Variants in CTNNA2 observed in about 807,000 individuals in gnomAD.
CTNNA2 encodes catenin alpha-2.
A neutral mutation model predicts 101.0 loss-of-function variants in CTNNA2; 42 were observed. The observed-to-expected ratio is 0.42, with a 90% CI of 0.32 to 0.54. The LOEUF is 0.54. CTNNA2 is among the 20% of genes least tolerant of loss of function. The pLI is 0.14. For missense variants in CTNNA2, 871 were observed against 1,223.1 expected (o/e 0.71, Z 4.29); for synonymous variants, 450 against 456.4 (o/e 0.99, Z 0.18).
intron 4 of CTNNA2, among the ~76,000 whole-genome samples, chr2:79,446,846 T>A (rs568060404): frequency 1.4e-4 from 22 of 152,204 alleles, no homozygotes; most frequent in Admixed American, 1.1e-3. Flanking sequence ...ATTTGTCCTA[T>A]ATAGAGAATT....
intron 3 of CTNNA2, among the ~76,000 whole-genome samples, chr2:79,800,331 C>G (rs148040886): frequency 2.6e-4 from 39 of 152,118 alleles, no homozygotes; most frequent in Non-Finnish European, 4.7e-4. Flanking sequence ...TTCTAAACTC[C>G]AGGCAAATGT....
intron 1 of CTNNA2, among the ~76,000 whole-genome samples, chr2:79,565,314 C>G (rs2104164390): frequency 1.3e-5 from 2 of 152,060 alleles, no homozygotes; most frequent in East Asian, 3.9e-4. Context: ...TTTCCCACCT[C>G]AGGTTGAATC....
At chr2:80,457,694 G>C (rs1239826543) in intron 9 of CTNNA2, among the ~76,000 whole-genome samples, 1 of 152,078 alleles carries the variant, frequency 6.6e-6, no homozygotes. Context: ...TGAGGGATGG[G>C]TTCACATTTC....
chr2:80,586,164 C>T (rs1358557908), intron 14 of CTNNA2: 1 of 151,992 alleles, frequency 6.6e-6, no homozygotes, highest in African/African-American at 2.4e-5. Context: ...CAGCCTAAAC[C>T]CTAGGGAAGC....
chr2:79,432,998 T>A lies in CTNNA2; in HGVS notation c.-135+58985T>A, dbSNP rs901975342. ...TCCCTGTTTGTCAGCGAGGTTGTTT[T>A]CAAATAGCAACTGGAGTAAATGCTT... is the stretch of plus-strand genomic sequence containing the variant. On this transcript the variant is annotated intron_variant, in intron 4 of 21. Coordinates refer to the CTNNA2 transcript ENST00000466387. Among the ~76,000 whole-genome samples, 4 of 152,196 alleles carry A rather than the reference T, an allele frequency of 2.6e-5. No homozygotes were observed. In the East Asian group the frequency reaches 7.7e-4, roughly 29 times the overall value.
rs1698301800 is a variant in CTNNA2, at chr2:80,609,684, T to C, written c.2430+1366T>C. ...CCATACCACTCAGCTTTCATGTCCA[T>C]CTGTATATAGCCCCTGTGGAACTGA... On this transcript the variant is annotated intron_variant, in intron 17 of 18. Coordinates refer to ENST00000402739, the MANE Select transcript of CTNNA2 (RefSeq NM_001282597.3). Among the ~76,000 whole-genome samples, 3 of 151,910 alleles carry C rather than the reference T, an allele frequency of 2.0e-5. No individual in the cohort carries two copies. In the South Asian group the frequency reaches 6.2e-4, roughly 31 times the overall value.
chr2:79,573,279 G>A (rs1037222022), intron 1 of CTNNA2, among the ~76,000 whole-genome samples: 4 of 152,122 alleles, frequency 2.6e-5, no homozygotes, highest in African/African-American at 9.7e-5. Flanking sequence ...TCTCCATAAC[G>A]ATAGGCAACA....
chr2:79,373,669 A>AT (rs5832382), intron 3 of CTNNA2, among the ~76,000 whole-genome samples: 1 of 152,010 alleles, frequency 6.6e-6, no homozygotes, highest in Non-Finnish European at 1.5e-5. Flanking sequence ...CCCTGGAAGC[A>AT]TTTTTTTAAA....
At chr2:80,086,355 A>G (rs1354573581) in intron 7 of CTNNA2, among the ~76,000 whole-genome samples, 1 of 152,066 alleles carries the variant, frequency 6.6e-6, no homozygotes, top group African/African-American at 2.4e-5. Context: ...ACATATTTCT[A>G]TTTGTGCTGA....
At chr2:80,116,616 A>G (rs1701538016) in intron 7 of CTNNA2, among the ~76,000 whole-genome samples, 2 of 152,170 alleles carry the variant, frequency 1.3e-5, no homozygotes, top group Non-Finnish European at 2.9e-5. Flanking sequence ...GGGATAAGAT[A>G]GGGCATTAGA....
intron 3 of CTNNA2, among the ~76,000 whole-genome samples, chr2:79,345,115 A>G (rs1338838626): frequency 2.0e-5 from 3 of 151,010 alleles, no homozygotes; most frequent in Non-Finnish European, 4.4e-5. Flanking sequence ...TTTTAAAAAA[A>G]AAAGCAAAAT....
chr2:80,367,275 G>A (rs1254447013), intron 7 of CTNNA2, among the ~76,000 whole-genome samples: 2 of 152,124 alleles, frequency 1.3e-5, no homozygotes, highest in African/African-American at 4.8e-5. Context: ...AGTATACAAT[G>A]CGGTGTTGTG....
chr2:80,169,590 T>A (rs762625289), intron 7 of CTNNA2, among the ~76,000 whole-genome samples: 1 of 152,212 alleles, frequency 6.6e-6, no homozygotes, highest in Non-Finnish European at 1.5e-5. Context: ...CTGCTCTATC[T>A]GTTTCTGTGG....
intron 1 of CTNNA2, among the ~76,000 whole-genome samples, chr2:79,631,671 A>G (rs575905694): frequency 1.2e-4 from 18 of 152,318 alleles, no homozygotes; most frequent in Admixed American, 9.8e-4. Context: ...TGCAACACGA[A>G]GTTTAGAGCA....
chr2:79,317,894 C>T (rs934532637), intron 3 of CTNNA2, among the ~76,000 whole-genome samples: 7 of 151,872 alleles, frequency 4.6e-5, no homozygotes, highest in African/African-American at 1.7e-4. Context: ...ATAATTTTAA[C>T]AGATGAAATT....
intron 2 of CTNNA2, among the ~76,000 whole-genome samples, chr2:79,725,284 T>C (rs1479166285): frequency 6.6e-6 from 1 of 152,218 alleles, no homozygotes; most frequent in African/African-American, 2.4e-5. Flanking sequence ...AACTCATATC[T>C]GGCTACAAAC....
chr2:79,532,442 A>C (rs1216848067), intron 1 of CTNNA2, among the ~76,000 whole-genome samples: 1 of 152,122 alleles, frequency 6.6e-6, no homozygotes, highest in Non-Finnish European at 1.5e-5. Context: ...TACTACTGTG[A>C]TTGAATTACA....
intron 9 of CTNNA2, among the ~76,000 whole-genome samples, chr2:80,519,766 A>T (rs1689384533): frequency 6.6e-6 from 1 of 152,204 alleles, no homozygotes; most frequent in Admixed American, 6.5e-5. Flanking sequence ...AATAGCCCAT[A>T]GCACAGTAGT....
At chr2:79,533,551 T>C (rs1238226543) in intron 1 of CTNNA2, among the ~76,000 whole-genome samples, 1 of 152,110 alleles carries the variant, frequency 6.6e-6, no homozygotes, top group Non-Finnish European at 1.5e-5. Context: ...AACTAGAGTA[T>C]ATTAAATAAT....
Sources: allele counts gnomAD v4.1 joint callset (sites outside exome capture counted in the v4.1 genomes callset), GRCh38; gene constraint gnomAD v4.1.1; transcripts MANE v1.5; gene names NCBI Gene and HGNC (gene_info 2026-07-23, HGNC 2026-07-21).